KCNN3: variants seen among roughly 807,000 people sequenced by gnomAD.
The protein encoded by KCNN3 is potassium calcium-activated channel subfamily N member 3, also known as small conductance calcium-activated potassium channel protein 3.
Under a neutral mutation model 62.9 loss-of-function variants are expected in KCNN3, and 16 were observed. The observed-to-expected ratio is 0.25, with a 90% CI of 0.17 to 0.39. The LOEUF is 0.39. Among genes scored for constraint, KCNN3 ranks in the 10% least tolerant of loss-of-function variants. The pLI is 1.00. For synonymous variants in KCNN3, 370 were observed against 389.2 expected (o/e 0.95, Z 0.58); for missense variants, 599 against 949.4 (o/e 0.63, Z 4.85).
intron 2 of KCNN3, among the ~76,000 whole-genome samples, chr1:154,796,785 A>G (rs75321193): frequency 1.3e-3 from 202 of 152,382 alleles, no homozygotes; most frequent in African/African-American, 4.6e-3. Flanking sequence ...GGCATTGGTC[A>G]ATAATGGGGC....
intron 1 of KCNN3, among the ~76,000 whole-genome samples, chr1:154,864,298 G>A (rs1652875634): frequency 6.6e-6 from 1 of 152,218 alleles, no homozygotes; most frequent in Non-Finnish European, 1.5e-5. Context: ...AAAATACCAG[G>A]ACACTGTGAC....
chr1:154,808,286 C>G lies in KCNN3; in HGVS notation c.1029+13803G>C, dbSNP rs551336721. 1.4e-3 allele frequency among the ~76,000 whole-genome samples: 210 copies of G among 152,286 alleles called. 1 individual carries two copies. Among genetic ancestry groups the G allele is most frequent in the Non-Finnish European group, 1.8e-3 (124 of 68,018 alleles). On this transcript the variant is annotated intron_variant, in intron 2 of 7. Transcript: ENST00000271915. ...TTTCTATTCTCACCTTTCAACATTC[C>G]CTTTACGATCAGCTGCATGCCTCCC... is the stretch of plus-strand genomic sequence containing the variant.
Position 154,834,897 on chromosome 1 carries a change from C to CG in KCNN3, c.934-12714dup, listed in dbSNP as rs369409869. Reference sequence around the variant, plus strand: ...TGAGACCTACACCCTGAGCTCTTCACGGAGGAGGTCGCTTGTTCCTGCTCC... The same window carrying CG: ...TGAGACCTACACCCTGAGCTCTTCACGGGAGGAGGTCGCTTGTTCCTGCTCC... On this transcript the variant is annotated intron_variant, in intron 1 of 7. Coordinates refer to ENST00000271915, the MANE Select transcript of KCNN3 (RefSeq NM_002249.6). 1.6e-4 allele frequency among the ~76,000 whole-genome samples: 24 copies of CG among 152,298 alleles called. 1 individual carries two copies. Among genetic ancestry groups the CG allele is most frequent in the African/African-American group, 4.6e-4 (19 of 41,554 alleles).
intron 2 of KCNN3, among the ~76,000 whole-genome samples, chr1:154,776,890 GTTC>G (rs897251846): frequency 1.3e-5 from 2 of 152,216 alleles, no homozygotes; most frequent in African/African-American, 4.8e-5. Flanking sequence ...TGGCACGGGT[GTTC>G]TTCTTAAGGC....
rs922712811 is a variant in KCNN3, at chr1:154,781,453, C to T, written c.1030-9060G>A. On this transcript the variant is annotated intron_variant, in intron 2 of 7. Transcript: ENST00000271915. ...TTTCTTTCATAAGATTTTTCATGTA[C>T]GCCCAACATGGGAAACAGACAAATT... Among the ~76,000 whole-genome samples the T allele has an allele frequency of 5.9e-5, 9 of 152,144 alleles. 1 individual carries two copies. Among genetic ancestry groups the T allele is most frequent in the Admixed American group, 2.6e-4 (4 of 15,282 alleles).
At chr1:154,841,431 G>T (rs1159827093) in intron 1 of KCNN3, among the ~76,000 whole-genome samples, 1 of 152,190 alleles carries the variant, frequency 6.6e-6, no homozygotes, top group African/African-American at 2.4e-5. Context: ...CAGGTCAGAA[G>T]CTGGGAGCCA....
Position 154,791,024 on chromosome 1 carries a change from T to G in KCNN3, c.1030-18631A>C, listed in dbSNP as rs534418197. Among the ~76,000 whole-genome samples, 3 of 151,852 alleles carry G rather than the reference T, an allele frequency of 2.0e-5. No homozygotes were observed. In the East Asian group the frequency reaches 5.8e-4, roughly 29 times the overall value. ...TGAGTGGATCACCTGAGGTCAGGAG[T>G]TCGAGACCAGCCTGGCCAACATGGT... On this transcript the variant is annotated intron_variant, in intron 2 of 7. Coordinates refer to ENST00000271915, the MANE Select transcript of KCNN3 (RefSeq NM_002249.6).
At position 154,772,721 on chromosome 1, in the gene KCNN3, C is replaced by A. The variant is rs1648616342; in HGVS notation, c.1030-328G>T. On this transcript the variant is annotated intron_variant, in intron 2 of 7. Transcript: ENST00000271915. The surrounding 1 kb of genome is among the most constrained non-coding windows in gnomAD (Gnocchi z 5.6). ...TTTATCCTGGTTTAGGCACAGTTCC[C>A]AAAACGCTCGGAATTTCCAAAGTGA... Among the ~76,000 whole-genome samples, 1 of 152,056 alleles carries A rather than the reference C, an allele frequency of 6.6e-6. No individual in the cohort carries two copies. The highest frequency in any genetic ancestry group is 2.1e-4 in the South Asian group (1 of 4,822).
chr1:154,817,158 C>A (rs1424760078), intron 2 of KCNN3, among the ~76,000 whole-genome samples: 1 of 152,180 alleles, frequency 6.6e-6, no homozygotes, highest in African/African-American at 2.4e-5. Context: ...ATATTCAAAC[C>A]TACCCCCAAA....
intron 1 of KCNN3, chr1:154,859,894 A>C: frequency 6.9e-7 from 1 of 1,443,818 alleles, no homozygotes; most frequent in South Asian, 1.3e-5. Context: ...ATGCCCAACA[A>C]GCTGACTCAA....
intron 2 of KCNN3, among the ~76,000 whole-genome samples, chr1:154,790,446 T>G (rs886823554): frequency 2.0e-4 from 30 of 152,236 alleles, no homozygotes; most frequent in Non-Finnish European, 7.3e-5. Flanking sequence ...AACACTTACA[T>G]TAGCCTACAT....
At chr1:154,850,351 T>C (rs1415319899) in intron 1 of KCNN3, among the ~76,000 whole-genome samples, 1 of 152,192 alleles carries the variant, frequency 6.6e-6, no homozygotes. Flanking sequence ...AGAAGGCCCA[T>C]GTCCAGCAGG....
At chr1:154,765,690 G>T (rs531749953) in intron 3 of KCNN3, among the ~76,000 whole-genome samples, 1 of 148,352 alleles carries the variant, frequency 6.7e-6, no homozygotes, top group Admixed American at 6.8e-5. Flanking sequence ...GTGCAGTGGC[G>T]CAATCTCTGC....
At chr1:154,817,146 G>T (rs2101890114) in intron 2 of KCNN3, among the ~76,000 whole-genome samples, 1 of 152,298 alleles carries the variant, frequency 6.6e-6, no homozygotes, top group Non-Finnish European at 1.5e-5. Context: ...GGGTGGGTAG[G>T]CATATTCAAA....
At chr1:154,825,760 G>A (rs72700286) in intron 1 of KCNN3, among the ~76,000 whole-genome samples, 13,621 of 151,534 alleles carry the variant, frequency 0.09, 827 homozygotes, top group Non-Finnish European at 0.13. Context: ...GGAACACTAC[G>A]CAGCCACTAA....
intron 2 of KCNN3, among the ~76,000 whole-genome samples, chr1:154,812,769 T>C (rs1477032713): frequency 6.6e-6 from 1 of 152,096 alleles, no homozygotes; most frequent in Non-Finnish European, 1.5e-5. Context: ...CAAAGAGCTG[T>C]CTTTATTATT....
intron 1 of KCNN3, among the ~76,000 whole-genome samples, chr1:154,839,008 TCTG>T (rs1342044829): frequency 6.6e-6 from 1 of 152,256 alleles, no homozygotes; most frequent in East Asian, 1.9e-4. Flanking sequence ...TGATCTGCCT[TCTG>T]CTCTCCCTCC....
intron 1 of KCNN3, among the ~76,000 whole-genome samples, chr1:154,856,451 T>C (rs760329617): frequency 6.6e-6 from 1 of 152,184 alleles, no homozygotes; most frequent in Non-Finnish European, 1.5e-5. Context: ...CGAAATTCCA[T>C]CTGGTGCTCA....
At chr1:154,823,537 C>T (rs1484984042) in intron 1 of KCNN3, among the ~76,000 whole-genome samples, 1 of 152,154 alleles carries the variant, frequency 6.6e-6, no homozygotes, top group East Asian at 1.9e-4. Flanking sequence ...GTGGCTTGTG[C>T]CAGAATTCAA....
Sources: allele counts gnomAD v4.1 joint callset (sites outside exome capture counted in the v4.1 genomes callset), GRCh38; gene constraint gnomAD v4.1.1; non-coding constraint Gnocchi (gnomAD v3.1); transcripts MANE v1.5; gene names NCBI Gene and HGNC (gene_info 2026-07-23, HGNC 2026-07-21).